The following FOCAD variants were observed in gnomAD, a reference collection of about 807,000 sequenced individuals.
FOCAD encodes the protein KIAA1797.
Under a neutral mutation model 225.6 loss-of-function variants are expected in FOCAD, and 198 were observed. That is an observed-to-expected ratio of 0.88 (90% CI 0.78 to 0.99). The LOEUF is 0.99. Ranked by LOEUF, FOCAD falls within the 50% of genes least tolerant of loss-of-function variation. The probability of loss-of-function intolerance (pLI) is 0.00; values close to 1 mark genes in which losing one functional copy is unlikely to be tolerated. For synonymous variants in FOCAD, 897 were observed against 755.0 expected (o/e 1.19, Z -3.08); for missense variants, 2,713 against 2,123.6 (o/e 1.28, Z -5.46).
At chr9:20,804,263 T>C (rs894542054) in intron 11 of FOCAD, among the ~76,000 whole-genome samples, 45 of 152,064 alleles carry the variant, frequency 3.0e-4, no homozygotes, top group African/African-American at 1.1e-3. Context: ...AAGTATTTGC[T>C]ATAATCAAGT....
At chr9:20,995,322 T>C (rs1466163698) in intron 43 of FOCAD, among the ~76,000 whole-genome samples, 1 of 151,430 alleles carries the variant, frequency 6.6e-6, no homozygotes, top group Non-Finnish European at 1.5e-5. Context: ...TTCATTTTAA[T>C]TCTGCAGAAT....
chr9:20,922,809 T>C (rs943722651), intron 24 of FOCAD, among the ~76,000 whole-genome samples: 3 of 152,236 alleles, frequency 2.0e-5, no homozygotes, highest in Non-Finnish European at 4.4e-5. Context: ...AGTTCTGTTA[T>C]AAACGAATTG....
At chr9:20,748,429 A>G (rs1333425428) in intron 5 of FOCAD, among the ~76,000 whole-genome samples, 1 of 151,994 alleles carries the variant, frequency 6.6e-6, no homozygotes, top group African/African-American at 2.4e-5. Flanking sequence ...GGTGGTCAGG[A>G]CCTTCTTAAG....
intron 11 of FOCAD, among the ~76,000 whole-genome samples, chr9:20,798,690 G>T (rs535186239): frequency 6.6e-6 from 1 of 152,092 alleles, no homozygotes; most frequent in African/African-American, 2.4e-5. Context: ...GGTCGGTGGT[G>T]ATATCCCCTT....
chr9:20,862,619 G>T lies in FOCAD; in HGVS notation c.1962G>T (p.Lys654Asn). The T allele has an allele frequency of 6.2e-7, 1 of 1,613,520 alleles. No individual in the cohort carries two copies. Reference protein sequence around the residue: ...IRSTWNALSPKLSCDTRPLIL... With the variant: ...IRSTWNALSPNLSCDTRPLIL... ...CCACTTGGAATGCTCTCTCTCCAAA[G>T]CTGAGTTGTGACACAAGACCTCTCA... The change falls in exon 16 of 44, where the codon AAG becomes AAT. Residue 654 changes from lysine (K) to asparagine (N), a missense_variant. Coordinates refer to ENST00000338382, the MANE Select transcript of FOCAD (RefSeq NM_001375567.1).
chr9:20,736,484 A>T (rs550064925), intron 4 of FOCAD, among the ~76,000 whole-genome samples: 12 of 152,274 alleles, frequency 7.9e-5, no homozygotes, highest in Admixed American at 7.8e-4. Flanking sequence ...CAGAATAACA[A>T]AGACTTGAAA....
intron 35 of FOCAD, among the ~76,000 whole-genome samples, chr9:20,968,087 ACTTTT>A (rs1261899682): frequency 6.6e-6 from 1 of 152,022 alleles, no homozygotes; most frequent in Non-Finnish European, 1.5e-5. Flanking sequence ...CTGGTCTTGA[ACTTTT>A]CTTTGTTGGG....
chr9:20,823,956 T>C (rs549691195), intron 15 of FOCAD, among the ~76,000 whole-genome samples: 13 of 152,222 alleles, frequency 8.5e-5, no homozygotes, highest in Non-Finnish European at 1.6e-4. Flanking sequence ...ATGAGGAAGA[T>C]AGACCCCAGA....
rs761585991 is a variant in FOCAD at position 20,946,856 on chromosome 9, G to T, written c.3675+36G>T. ...GTGCCCTGATTATTTCTCTCTGTGG[G>T]TCTCATGCTGCTGCTAAGTTTTGCT... On this transcript the variant is annotated intron_variant, in intron 30 of 43. Transcript: ENST00000338382. The T allele has an allele frequency of 4.4e-6, 7 of 1,605,970 alleles. No individual in the cohort carries two copies. In the East Asian group the frequency reaches 1.1e-4, roughly 26 times the overall value.
chr9:20,941,703 A>G (rs186286342), intron 28 of FOCAD, among the ~76,000 whole-genome samples: 1 of 152,240 alleles, frequency 6.6e-6, no homozygotes, highest in Admixed American at 6.5e-5. Flanking sequence ...ATTTGTTAGC[A>G]CTCTTATAGA....
At chr9:20,826,814 G>A (rs919373626) in intron 15 of FOCAD, among the ~76,000 whole-genome samples, 4 of 151,934 alleles carry the variant, frequency 2.6e-5, no homozygotes, top group Non-Finnish European at 4.4e-5. Context: ...GAAAAATGTG[G>A]GCATTGAAAG....
Position 20,718,505 on chromosome 9 carries a change from TC to T in FOCAD, c.132+638del, listed in dbSNP as rs199923264. Among the ~76,000 whole-genome samples the T allele has an allele frequency of 6.6e-3, 1,000 of 152,318 alleles. 9 individuals are homozygous for T. Among genetic ancestry groups the T allele is most frequent in the Middle Eastern group, 0.01 (3 of 294 alleles). ...GGAACATAAGTGATGGAAATAAGAT[TC>T]TTTTTTTTCACAGCAGAAATAAATT... On this transcript the variant is annotated intron_variant, in intron 3 of 43. Coordinates refer to ENST00000338382, the MANE Select transcript of FOCAD (RefSeq NM_001375567.1).
At chr9:20,815,650 G>A (rs1002640275) in intron 11 of FOCAD, among the ~76,000 whole-genome samples, 1 of 151,758 alleles carries the variant, frequency 6.6e-6, no homozygotes, top group African/African-American at 2.4e-5. Flanking sequence ...AAATTAATTT[G>A]TTTATCAAGG....
chr9:20,946,080 TATTCATTCATTCATTCATTC>T lies in FOCAD; in HGVS notation c.3556-598_3556-579del, dbSNP rs57359069. On this transcript the variant is annotated intron_variant, in intron 29 of 43. Transcript: ENST00000338382. ...CATTGTTTTTTACCCATATTTTATT[TATTCATTCATTCATTCATTC>T]ATTCATTCATTCATTCATTCATCAA... Among the ~76,000 whole-genome samples the T allele has an allele frequency of 3.4e-4, 42 of 122,512 alleles. No individual in the cohort carries two copies. In the East Asian group the frequency reaches 6.1e-3, roughly 18 times the overall value. The allele number at this position is 122,512 out of a possible 152,430, so 80.4% of individuals were successfully genotyped here.
At position 20,944,781 on chromosome 9, in the gene FOCAD, G is replaced by A; in HGVS notation, c.3555+7G>A. On this transcript the variant is annotated splice_region_variant and intron_variant, in intron 29 of 43. Coordinates refer to ENST00000338382, the MANE Select transcript of FOCAD (RefSeq NM_001375567.1). ...GAGCAGAACGTTTCAGGAGGTAAGA[G>A]ATGGAGGCTACATTTTTTTCCCCTC... is the stretch of plus-strand genomic sequence containing the variant. The A allele has an allele frequency of 1.2e-6, 2 of 1,605,234 alleles. No homozygotes were observed. The highest frequency in any genetic ancestry group is 1.1e-5 in the South Asian group (1 of 90,264).
intron 16 of FOCAD, among the ~76,000 whole-genome samples, chr9:20,863,711 T>A (rs1217416335): frequency 6.6e-6 from 1 of 152,118 alleles, no homozygotes; most frequent in Non-Finnish European, 1.5e-5. Context: ...AGGCACTTGC[T>A]CTTATATTGT....
At chr9:20,705,832 T>G (rs1019965925) in intron 1 of FOCAD, among the ~76,000 whole-genome samples, 9 of 151,318 alleles carry the variant, frequency 5.9e-5, no homozygotes, top group Non-Finnish European at 1.2e-4. Context: ...GATATACTCA[T>G]ATATTTAGCA....
chr9:20,780,625 T>G (rs1402617226), intron 9 of FOCAD, among the ~76,000 whole-genome samples: 1 of 152,140 alleles, frequency 6.6e-6, no homozygotes, highest in Non-Finnish European at 1.5e-5. Context: ...AAAGATTTAT[T>G]TATACATTAA....
chr9:20,947,055 T>C (rs1022083159), intron 30 of FOCAD, among the ~76,000 whole-genome samples: 2 of 152,194 alleles, frequency 1.3e-5, no homozygotes, highest in African/African-American at 4.8e-5. Context: ...AGTATTGATA[T>C]GCTTTTCTCT....
Sources: allele counts gnomAD v4.1 joint callset (sites outside exome capture counted in the v4.1 genomes callset), GRCh38; gene constraint gnomAD v4.1.1; transcripts MANE v1.5; gene names NCBI Gene and HGNC (gene_info 2026-07-23, HGNC 2026-07-21).